The following MAMLD1 variants were observed in gnomAD, a reference collection of about 807,000 sequenced individuals.
MAMLD1 encodes the protein mastermind-like domain-containing protein 1.
Under a neutral mutation model 45.0 loss-of-function variants are expected in MAMLD1, and 14 were observed. The observed-to-expected ratio is 0.31, with a 90% CI of 0.21 to 0.49. MAMLD1 has a LOEUF of 0.49. Ranked by LOEUF, MAMLD1 falls within the 20% of genes least tolerant of loss-of-function variation. MAMLD1 has a pLI of 0.99. For missense variants in MAMLD1, 543 were observed against 603.6 expected (o/e 0.90, Z 1.05); for synonymous variants, 254 against 247.8 (o/e 1.02, Z -0.24).
Position 150,512,419 on chromosome X carries a change from G to C in MAMLD1, c.*460G>C. 1.7e-6 allele frequency: 2 copies of C among 1,154,170 alleles called. No individual in the cohort carries two copies. Among genetic ancestry groups the C allele is most frequent in the Non-Finnish European group, 2.3e-6 (2 of 871,584 alleles). ...CCACTGCGTTCAACAATGCTGCATG[G>C]GTCACAGCGGCAGCAGCTGTGACCA... On this transcript the variant is annotated 3_prime_UTR_variant, in exon 8 of 8. Coordinates refer to ENST00000370401, the MANE Select transcript of MAMLD1 (RefSeq NM_005491.5).
intron 1 of MAMLD1, among the ~76,000 whole-genome samples, chrX:150,439,304 T>G (rs1022185469): frequency 8.9e-5 from 10 of 112,292 alleles, no homozygotes; most frequent in Non-Finnish European, 1.9e-4. Context: ...TTCATTTTCT[T>G]GATAACGTCC....
chrX:150,456,941 A>G (rs782547898), intron 2 of MAMLD1, among the ~76,000 whole-genome samples: 1 of 112,674 alleles, frequency 8.9e-6, no homozygotes, highest in African/African-American at 3.2e-5. Context: ...TCCATGCTAG[A>G]TGGTACATTC....
intron 5 of MAMLD1, among the ~76,000 whole-genome samples, chrX:150,483,466 A>C (rs1557407438): frequency 8.9e-6 from 1 of 112,845 alleles, no homozygotes; most frequent in Admixed American, 9.3e-5. Context: ...CCATTGCGGA[A>C]TGCTAAGTTT....
chrX:150,368,481 A>G (rs1163900267), intron 1 of MAMLD1, among the ~76,000 whole-genome samples: 3 of 109,746 alleles, frequency 2.7e-5, no homozygotes, highest in South Asian at 7.9e-4. Context: ...AGATGAGTAG[A>G]TTGCAAAAAT....
intron 3 of MAMLD1, among the ~76,000 whole-genome samples, chrX:150,468,294 T>C (rs782270265): frequency 1.8e-5 from 2 of 111,890 alleles, no homozygotes; most frequent in Non-Finnish European, 3.8e-5. Flanking sequence ...TGCTGGCAAG[T>C]GGCCCCATGC....
intron 6 of MAMLD1, among the ~76,000 whole-genome samples, chrX:150,507,311 A>C (rs1302224788): frequency 8.9e-6 from 1 of 112,312 alleles, no homozygotes; most frequent in East Asian, 2.8e-4. Flanking sequence ...TTTTCCAACG[A>C]TTCTAATTGT....
intron 5 of MAMLD1, among the ~76,000 whole-genome samples, chrX:150,483,312 C>T (rs1449684493): frequency 8.9e-6 from 1 of 112,358 alleles, no homozygotes; most frequent in Non-Finnish European, 1.9e-5. Context: ...TTCTTTGTGA[C>T]TTGTCTGCTT....
Position 150,512,840 on chromosome X carries a change from C to G in MAMLD1, c.*881C>G, listed in dbSNP as rs782398695. 1 of 1,156,072 alleles carries G rather than the reference C, an allele frequency of 8.6e-7. No homozygotes were observed. Among genetic ancestry groups the G allele is most frequent in the South Asian group, 1.9e-5 (1 of 52,744 alleles). ...AACGGATATTCCCCCTGAGCTGCCA[C>G]CTGCCGACTTTTTGCGCCAGCCCCA... On this transcript the variant is annotated 3_prime_UTR_variant, in exon 8 of 8. Coordinates refer to ENST00000370401, the MANE Select transcript of MAMLD1 (RefSeq NM_005491.5).
intron 1 of MAMLD1, among the ~76,000 whole-genome samples, chrX:150,413,037 TA>T (rs1467707831): frequency 9.0e-6 from 1 of 111,296 alleles, no homozygotes; most frequent in Non-Finnish European, 1.9e-5. Context: ...GCTTTTAAGT[TA>T]AGGTAAGTAC....
At chrX:150,404,574 C>G (rs902563225) in intron 1 of MAMLD1, among the ~76,000 whole-genome samples, 8 of 111,507 alleles carry the variant, frequency 7.2e-5, no homozygotes, top group African/African-American at 2.3e-4. Context: ...CTGAAAATAT[C>G]TAAAGTACAA....
intron 3 of MAMLD1, among the ~76,000 whole-genome samples, chrX:150,468,262 A>G (rs781990069): frequency 3.6e-5 from 4 of 112,186 alleles, no homozygotes; most frequent in Non-Finnish European, 7.5e-5. Context: ...TCACTTGGCC[A>G]TGACAGTCAT....
At position 150,460,710 on chromosome X, in the gene MAMLD1, A is replaced by T. The variant is rs782461849; in HGVS notation, c.97-2062A>T. Among the ~76,000 whole-genome samples the T allele has an allele frequency of 3.6e-5, 4 of 112,141 alleles. No individual in the cohort carries two copies. The Admixed American group carries it at 3.8e-4, about 11-fold the overall frequency. On this transcript the variant is annotated intron_variant, in intron 2 of 7. Coordinates refer to ENST00000370401, the MANE Select transcript of MAMLD1 (RefSeq NM_005491.5). Reference sequence around the variant, plus strand: ...GAGAGCTGTGGCTACCCCATATAGTACGTGACTTCCACACAGCCCAAACTA... The same window carrying T: ...GAGAGCTGTGGCTACCCCATATAGTTCGTGACTTCCACACAGCCCAAACTA...
chrX:150,473,615 C>G, intron 4 of MAMLD1, 65 bp from the exon 5 acceptor site: 1 of 1,147,179 alleles, frequency 8.7e-7, no homozygotes, highest in Non-Finnish European at 1.2e-6. Flanking sequence ...TAGGACACGG[C>G]AGGCCACCTG....
At chrX:150,468,724 C>T (rs1296236986) in intron 3 of MAMLD1, among the ~76,000 whole-genome samples, 7 of 111,677 alleles carry the variant, frequency 6.3e-5, no homozygotes, top group Non-Finnish European at 1.3e-4. Context: ...AGGTTCAGAT[C>T]CCAGATTGGG....
chrX:150,471,649 G>A (rs2036434132), intron 4 of MAMLD1, among the ~76,000 whole-genome samples, 159 bp downstream of exon 4: 1 of 112,214 alleles, frequency 8.9e-6, no homozygotes, highest in Non-Finnish European at 1.9e-5. Context: ...CTAATCCTGT[G>A]TGGTTAAAAG....
chrX:150,369,711 G>C (rs1557400919), intron 1 of MAMLD1, among the ~76,000 whole-genome samples: 1 of 112,083 alleles, frequency 8.9e-6, no homozygotes. Flanking sequence ...ATCTAATGTA[G>C]AGCAGATTTG....
At position 150,470,419 on chromosome X, in the gene MAMLD1, G is replaced by C; in HGVS notation, c.846G>C (p.Lys282Asn). The change falls in exon 4 of 8, where the codon AAG becomes AAC. Residue 282 changes from lysine to asparagine, a missense_variant. By Grantham distance (94) the Lys-to-Asn change is moderately conservative. Coordinates refer to ENST00000370401, the MANE Select transcript of MAMLD1 (RefSeq NM_005491.5). ...VSPSSSMAQS[K>N]SQVQAMLPVA... The stretch of plus-strand genomic sequence containing the variant: ...CGAGTTCTTCAATGGCACAGTCCAA[G>C]AGCCAGGTCCAGGCCATGCTCCCTG... 8.3e-7 allele frequency: 1 copy of C among 1,211,947 alleles called. No homozygotes were observed. Among genetic ancestry groups the C allele is most frequent in the Non-Finnish European group, 1.1e-6 (1 of 895,577 alleles).
At chrX:150,440,934 T>C (rs1483189906) in intron 1 of MAMLD1, among the ~76,000 whole-genome samples, 2 of 104,656 alleles carry the variant, frequency 1.9e-5, no homozygotes, top group African/African-American at 6.8e-5. Context: ...AATATAATAT[T>C]ATTATTTATT....
intron 1 of MAMLD1, among the ~76,000 whole-genome samples, chrX:150,396,798 A>G (rs1418731135): frequency 9.0e-6 from 1 of 111,506 alleles, no homozygotes; most frequent in Non-Finnish European, 1.9e-5. Flanking sequence ...TCCATGTTGG[A>G]AGCTTCTGTA....
Sources: allele counts gnomAD v4.1 joint callset (sites outside exome capture counted in the v4.1 genomes callset), GRCh38; gene constraint gnomAD v4.1.1; transcripts MANE v1.5; gene names NCBI Gene and HGNC (gene_info 2026-07-23, HGNC 2026-07-21).